AFF3: variants seen among roughly 807,000 people sequenced by gnomAD.
AFF3 encodes the protein ALF transcription elongation factor 3.
Under a neutral mutation model 129.7 loss-of-function variants are expected in AFF3, and 32 were observed. That is an observed-to-expected ratio of 0.25 (90% CI 0.19 to 0.33). The LOEUF is 0.33. AFF3 is among the 10% of genes least tolerant of loss of function. The probability of loss-of-function intolerance (pLI) is 1.00; values close to 1 mark genes in which losing one functional copy is unlikely to be tolerated. For missense variants in AFF3, 1,373 were observed against 1,592.0 expected (o/e 0.86, Z 2.34); for synonymous variants, 644 against 635.4 (o/e 1.01, Z -0.20).
chr2:99,795,084 A>G (rs1298799413), intron 8 of AFF3, among the ~76,000 whole-genome samples: 1 of 152,180 alleles, frequency 6.6e-6, no homozygotes, highest in Admixed American at 6.5e-5. Context: ...AACCAGAAGA[A>G]GTGCTGGTGA....
chr2:100,116,638 A>G (rs1330834490), intron 2 of AFF3, among the ~76,000 whole-genome samples: 3 of 152,030 alleles, frequency 2.0e-5, no homozygotes, highest in Non-Finnish European at 4.4e-5. Context: ...TTTTAAATCC[A>G]TTTACTCTTC....
At chr2:100,069,697 T>C (rs761954784) in intron 4 of AFF3, among the ~76,000 whole-genome samples, 2 of 152,184 alleles carry the variant, frequency 1.3e-5, no homozygotes, top group Non-Finnish European at 2.9e-5. Flanking sequence ...AGAAAGAAAT[T>C]TGATACGATA....
chr2:99,918,667 T>C (rs918967988), intron 7 of AFF3, among the ~76,000 whole-genome samples: 1 of 152,232 alleles, frequency 6.6e-6, no homozygotes, highest in Non-Finnish European at 1.5e-5. Context: ...CAGTCAGTGC[T>C]AACCTAAAGG....
At chr2:99,808,336 C>T (rs1406678286) in intron 8 of AFF3, among the ~76,000 whole-genome samples, 1 of 152,064 alleles carries the variant, frequency 6.6e-6, no homozygotes, top group Non-Finnish European at 1.5e-5. Context: ...TTCTGGGATC[C>T]CAGGACCATC....
At chr2:99,647,071 T>A (rs1170362877) in intron 13 of AFF3, among the ~76,000 whole-genome samples, 2 of 152,198 alleles carry the variant, frequency 1.3e-5, no homozygotes. Context: ...ATTAGTTCAG[T>A]CATTGTGGAA....
Position 99,661,663 on chromosome 2 carries a change from T to C in AFF3, c.1143+10875A>G, listed in dbSNP as rs139513717. On this transcript the variant is annotated intron_variant, in intron 12 of 24. Transcript: ENST00000672756. ...CGTTATGAGTCTCTGTGCTCAGTGA[T>C]ATTTAAGTTGGCTGACCATTTCAAT... Among the ~76,000 whole-genome samples, 284 of 152,336 alleles carry C rather than the reference T, an allele frequency of 1.9e-3. 1 individual carries two copies. Among genetic ancestry groups the C allele is most frequent in the Admixed American group, 4.4e-3 (68 of 15,300 alleles).
At chr2:99,899,635 T>A (rs1480181242) in intron 7 of AFF3, among the ~76,000 whole-genome samples, 1 of 152,206 alleles carries the variant, frequency 6.6e-6, no homozygotes, top group African/African-American at 2.4e-5. Flanking sequence ...TTCCGCTACC[T>A]GAACGCCACA....
At chr2:99,602,627 T>C (rs181738478) in intron 13 of AFF3, among the ~76,000 whole-genome samples, 80 of 152,298 alleles carry the variant, frequency 5.3e-4, no homozygotes, top group East Asian at 4.1e-3. Flanking sequence ...AAGCTCTAAA[T>C]ACCAAAAATG....
intron 11 of AFF3, among the ~76,000 whole-genome samples, chr2:99,689,628 C>T (rs1249877245): frequency 7.7e-6 from 1 of 129,672 alleles, no homozygotes; most frequent in Non-Finnish European, 1.5e-5. Context: ...TCTCCAGTGC[C>T]TTGGAGACAC....
At chr2:99,777,865 G>A (rs1452105165) in intron 8 of AFF3, among the ~76,000 whole-genome samples, 1 of 136,180 alleles carries the variant, frequency 7.3e-6, no homozygotes, top group Non-Finnish European at 1.5e-5. Context: ...GCTGTGTCCT[G>A]TACACCCTGG....
chr2:99,582,894 G>A lies in AFF3; in HGVS notation c.2697C>T (p.Ser899=), dbSNP rs1163635190. The A allele has an allele frequency of 1.2e-6, 2 of 1,614,074 alleles. No homozygotes were observed. Among genetic ancestry groups the A allele is most frequent in the African/African-American group, 1.3e-5 (1 of 74,916 alleles). The change falls in exon 17 of 25, where the codon TCC becomes TCT. Residue 899 remains serine, a synonymous_variant. Coordinates refer to ENST00000672756, the MANE Select transcript of AFF3 (RefSeq NM_001386135.1). ...HKYTSEDLTS[S]SRPNGNSLFT... ...ACAAACTGTTGCCATTAGGTCGGCT[G>A]GAAGAAGTTAAGTCCTCGCTGGTGT...
At chr2:99,723,053 C>T (rs1021428469) in intron 11 of AFF3, among the ~76,000 whole-genome samples, 2 of 152,128 alleles carry the variant, frequency 1.3e-5, no homozygotes, top group Admixed American at 6.5e-5. Flanking sequence ...AGTATTTTGT[C>T]CAGAGTTTGT....
chr2:99,732,953 G>C (rs770924956), intron 10 of AFF3, among the ~76,000 whole-genome samples: 2 of 152,068 alleles, frequency 1.3e-5, no homozygotes, highest in African/African-American at 2.4e-5. Context: ...TAAATATTTT[G>C]TACTTGCTCT....
At position 100,008,936 on chromosome 2, in the gene AFF3, C is replaced by A; in HGVS notation, c.54-4G>T. On this transcript the variant is annotated splice_region_variant and splice_polypyrimidine_tract_variant and intron_variant, in intron 4 of 24. Coordinates refer to ENST00000672756, the MANE Select transcript of AFF3 (RefSeq NM_001386135.1). ...ATTTCTATCTGGTTCATAGACACTG[C>A]ATCAGGAAAAAGAAGAGAGAACAAC... The A allele has an allele frequency of 6.2e-7, 1 of 1,612,834 alleles. No homozygotes were observed. Among genetic ancestry groups the A allele is most frequent in the Non-Finnish European group, 8.5e-7 (1 of 1,179,586 alleles).
At chr2:100,088,390 C>G (rs1197876353) in intron 4 of AFF3, among the ~76,000 whole-genome samples, 2 of 152,184 alleles carry the variant, frequency 1.3e-5, no homozygotes, top group African/African-American at 2.4e-5. Flanking sequence ...GTTACCATCA[C>G]TAAATAATCA....
At chr2:99,878,912 T>C (rs1692488467) in intron 7 of AFF3, among the ~76,000 whole-genome samples, 1 of 152,104 alleles carries the variant, frequency 6.6e-6, no homozygotes, top group African/African-American at 2.4e-5. Context: ...CTTTCAAATA[T>C]CTAAATGAAA....
intron 1 of AFF3, among the ~76,000 whole-genome samples, chr2:100,138,944 CA>C (rs34526914): frequency 7.1e-4 from 85 of 120,258 alleles, no homozygotes; most frequent in Middle Eastern, 4.3e-3. Context: ...GACTCTGTCT[CA>C]AAAAAAAAAA....
chr2:99,624,301 C>T (rs1682336628), intron 13 of AFF3, among the ~76,000 whole-genome samples: 2 of 152,120 alleles, frequency 1.3e-5, no homozygotes, highest in Admixed American at 1.3e-4. Flanking sequence ...GGGAAGCTTA[C>T]AGAAAGCTCC....
At chr2:99,777,947 C>CAAAAAAAAAAAAAAAAAAAAAAAAGA in intron 8 of AFF3, among the ~76,000 whole-genome samples, 1 of 48,340 alleles carries the variant, frequency 2.1e-5, no homozygotes, top group Non-Finnish European at 3.8e-5. Context: ...AAAGCAAAAG[C>CAAAAAAAAAAAAAAAAAAAAAAAAGA]AAAAAAAAAA....
Sources: allele counts gnomAD v4.1 joint callset (sites outside exome capture counted in the v4.1 genomes callset), GRCh38; gene constraint gnomAD v4.1.1; transcripts MANE v1.5; gene names NCBI Gene and HGNC (gene_info 2026-07-23, HGNC 2026-07-21).